Variants in CASZ1 observed in about 807,000 individuals in gnomAD.
The protein encoded by CASZ1 is castor zinc finger 1.
CASZ1 carries 28 observed loss-of-function variants against 135.2 expected under a neutral mutation model. The observed-to-expected ratio is 0.21, with a 90% CI of 0.15 to 0.28. The LOEUF is 0.28. Among genes scored for constraint, CASZ1 ranks in the 10% least tolerant of loss-of-function variants. The pLI is 1.00. For missense variants in CASZ1, 2,161 were observed against 2,453.3 expected, an observed-to-expected ratio of 0.88 and a Z score of 2.52; for synonymous variants, 1,068 against 1,073.4, an observed-to-expected ratio of 0.99 and a Z score of 0.10.
At position 10,721,497 on chromosome 1, in the gene CASZ1, A is replaced by G. The variant is rs1639495304; in HGVS notation, c.-76-15953T>C. Among the ~76,000 whole-genome samples, 1 of 152,132 alleles carries G rather than the reference A, an allele frequency of 6.6e-6. No individual in the cohort carries two copies. The highest frequency in any genetic ancestry group is 2.4e-5 in the African/African-American group (1 of 41,426). The stretch of plus-strand genomic sequence containing the variant: ...CTGTGACTGATTGTCACATATCATC[A>G]TTTTCATAGGATCTCCTCCATTCCC... On this transcript the variant is annotated intron_variant, in intron 2 of 20. Transcript: ENST00000377022. This position sits in a 1 kb window ranked among gnomAD's most constrained non-coding sequence, Gnocchi z 5.4.
chr1:10,704,650 C>T (rs1250538507), intron 3 of CASZ1: 1 of 152,308 alleles, frequency 6.6e-6, no homozygotes, highest in Non-Finnish European at 1.5e-5. Flanking sequence ...GGAAAACAAA[C>T]AGGTTTGGAG....
At chr1:10,728,649 G>C (rs1156541278) in intron 2 of CASZ1, among the ~76,000 whole-genome samples, 1 of 151,886 alleles carries the variant, frequency 6.6e-6, no homozygotes, top group African/African-American at 2.4e-5. Flanking sequence ...AAGCGCTCCT[G>C]AGGGGTGATT....
intron 4 of CASZ1, among the ~76,000 whole-genome samples, chr1:10,689,187 C>T (rs1478661938): frequency 6.6e-6 from 1 of 152,124 alleles, no homozygotes; most frequent in Non-Finnish European, 1.5e-5. Flanking sequence ...TGGGGCTGCA[C>T]CACTGACCTG....
intron 2 of CASZ1, among the ~76,000 whole-genome samples, chr1:10,738,059 CCTT>C (rs1225127968): frequency 3.3e-5 from 5 of 152,158 alleles, no homozygotes; most frequent in African/African-American, 1.2e-4. Context: ...GCAGGTCCCT[CCTT>C]CGTGGAGTTT....
In CASZ1 at chr1:10,659,694, C is replaced by T. The variant is rs192819208; in HGVS notation, c.1340+8G>A. The T allele has an allele frequency of 4.5e-4, 723 of 1,605,524 alleles. 10 individuals are homozygous for T. The East Asian group carries it at 0.013, about 29-fold the overall frequency. Reference sequence around the variant, plus strand: ...GCTCTGGGCATTGTGGGGTGGGGAGCGCCTTACTTGACAGTGGAGACGGTC... The same window carrying T: ...GCTCTGGGCATTGTGGGGTGGGGAGTGCCTTACTTGACAGTGGAGACGGTC... On this transcript the variant is annotated splice_region_variant and intron_variant, in intron 6 of 20. Transcript: ENST00000377022.
chr1:10,722,646 A>G (rs1309553770), intron 2 of CASZ1, among the ~76,000 whole-genome samples: 2 of 152,236 alleles, frequency 1.3e-5, no homozygotes, highest in Admixed American at 1.3e-4. Flanking sequence ...AGAGGCAGGT[A>G]TCCAGTGAGC....
intron 4 of CASZ1, among the ~76,000 whole-genome samples, chr1:10,690,650 A>G (rs924103481): frequency 7.2e-5 from 11 of 152,106 alleles, no homozygotes; most frequent in African/African-American, 2.4e-4. Flanking sequence ...CCACAGCGAC[A>G]CATGGGCAGC....
Position 10,774,221 on chromosome 1 carries a change from C to T in CASZ1, c.-233-13364G>A, listed in dbSNP as rs1006422718. 1.3e-5 allele frequency among the ~76,000 whole-genome samples: 2 copies of T among 152,150 alleles called. No individual in the cohort carries two copies. Among genetic ancestry groups the T allele is most frequent in the African/African-American group, 2.4e-5 (1 of 41,438 alleles). ...AGTGCACCCTCCCACCTGACACCGT[C>T]GCTAAATCCTTGGATACACACGGTA... On this transcript the variant is annotated intron_variant, in intron 1 of 20. Coordinates refer to ENST00000377022, the MANE Select transcript of CASZ1 (RefSeq NM_001079843.3). The surrounding 1 kb of genome is among the most constrained non-coding windows in gnomAD (Gnocchi z 4.4).
rs140327757 is a variant in CASZ1 at position 10,721,697 on chromosome 1, C to G, written c.-76-16153G>C. Among the ~76,000 whole-genome samples, 1 of 152,360 alleles carries G rather than the reference C, an allele frequency of 6.6e-6. No individual in the cohort carries two copies. The highest frequency in any genetic ancestry group is 1.5e-5 in the Non-Finnish European group (1 of 68,030). ...TAAGCTGCACCTCACCACTGACCTGCAAGTGCCGACCTGCAAACCAGGAAG... is the reference window on the plus strand; with the variant it reads ...TAAGCTGCACCTCACCACTGACCTGGAAGTGCCGACCTGCAAACCAGGAAG... On this transcript the variant is annotated intron_variant, in intron 2 of 20. Coordinates refer to ENST00000377022, the MANE Select transcript of CASZ1 (RefSeq NM_001079843.3). This position sits in a 1 kb window ranked among gnomAD's most constrained non-coding sequence, Gnocchi z 5.4.
chr1:10,784,075 G>A (rs557758314), intron 1 of CASZ1, among the ~76,000 whole-genome samples: 4 of 152,118 alleles, frequency 2.6e-5, no homozygotes, highest in South Asian at 2.1e-4. Flanking sequence ...CAGGCCCACC[G>A]TCACAAAGGT....
chr1:10,654,547 G>C lies in CASZ1; in HGVS notation c.1710C>G (p.Thr570=). Residue 570 remains threonine (T), a synonymous_variant, in exon 10 of 21, where the codon ACC becomes ACG. Coordinates refer to ENST00000377022, the MANE Select transcript of CASZ1 (RefSeq NM_001079843.3). ...TATTCTTCTTGTGGAAGTTCTCGTG[G>C]GTCATCACGTCAGACGTGCTCGTGT... ...KVYTSTSDVM[T]HENFHKKNTQ... 6.2e-7 allele frequency: 1 copy of C among 1,614,248 alleles called. No individual in the cohort carries two copies. The highest frequency in any genetic ancestry group is 8.5e-7 in the Non-Finnish European group (1 of 1,180,032).
At chr1:10,671,725 G>A (rs1354346718) in intron 4 of CASZ1, among the ~76,000 whole-genome samples, 2 of 152,234 alleles carry the variant, frequency 1.3e-5, no homozygotes, top group Non-Finnish European at 2.9e-5. Flanking sequence ...CCACCGCAGC[G>A]GAGCATGATG....
chr1:10,702,286 A>C (rs117747537), intron 3 of CASZ1, among the ~76,000 whole-genome samples: 1,668 of 152,152 alleles, frequency 0.011, 33 homozygotes, highest in East Asian at 0.066. Flanking sequence ...GCACCCTTTC[A>C]AGGAGCGCGC....
At chr1:10,658,173 G>A (rs1305642623) in intron 7 of CASZ1, 1 of 302,654 alleles carries the variant, frequency 3.3e-6, no homozygotes, top group Admixed American at 4.0e-5. Flanking sequence ...ACGGTGGCCT[G>A]CACCCTACTC....
intron 2 of CASZ1, among the ~76,000 whole-genome samples, chr1:10,712,685 A>G (rs1290925073): frequency 1.3e-5 from 2 of 152,170 alleles, no homozygotes; most frequent in Non-Finnish European, 2.9e-5. Context: ...CAGAAAGGCT[A>G]GGATGGTTGC....
At position 10,750,694 on chromosome 1, in the gene CASZ1, G is replaced by A. The variant is rs375725311; in HGVS notation, c.-77+10007C>T. On this transcript the variant is annotated intron_variant, in intron 2 of 20. Transcript: ENST00000377022. ...GCAGGTGGATCACATGAGGTCAGGAGTTAGAGACCAGCCTGGCCAACATGG... is the reference window on the plus strand; with the variant it reads ...GCAGGTGGATCACATGAGGTCAGGAATTAGAGACCAGCCTGGCCAACATGG... 2.6e-5 allele frequency among the ~76,000 whole-genome samples: 4 copies of A among 152,142 alleles called. No homozygotes were observed. In the East Asian group the frequency reaches 7.7e-4, roughly 29 times the overall value.
rs768169129 is a variant in CASZ1 at position 10,647,782 on chromosome 1, G to A, written c.3497+19C>T. ...GACGCGAGGGGAACGCGGGACTCCC[G>A]GCTCATCGAGGGACTCACTTCTCCT... On this transcript the variant is annotated intron_variant, in intron 16 of 20. Coordinates refer to ENST00000377022, the MANE Select transcript of CASZ1 (RefSeq NM_001079843.3). This position sits in a 1 kb window ranked among gnomAD's most constrained non-coding sequence, Gnocchi z 4.9. The A allele has an allele frequency of 2.6e-5, 42 of 1,612,610 alleles. No homozygotes were observed. The highest frequency in any genetic ancestry group is 5.3e-5 in the African/African-American group (4 of 74,926).
intron 2 of CASZ1, among the ~76,000 whole-genome samples, chr1:10,751,676 G>A (rs555016955): frequency 6.6e-6 from 1 of 152,350 alleles, no homozygotes; most frequent in African/African-American, 2.4e-5. Flanking sequence ...AGCTCGGGAA[G>A]CGGAAGAGGT....
At chr1:10,734,297 C>T (rs1245447579) in intron 2 of CASZ1, among the ~76,000 whole-genome samples, 2 of 147,864 alleles carry the variant, frequency 1.4e-5, no homozygotes, top group Admixed American at 6.8e-5. Flanking sequence ...AAAAAAAAAT[C>T]CCATGGCCGT....
Sources: gnomAD v4.1 joint callset for allele counts (sites outside exome capture counted in the v4.1 genomes callset) on GRCh38, gnomAD v4.1.1 for gene constraint, Gnocchi (gnomAD v3.1) non-coding constraint, MANE v1.5 for transcripts, NCBI Gene and HGNC (gene_info 2026-07-23, HGNC 2026-07-21) for gene names.